CAMK2D: variants seen among roughly 807,000 people sequenced by gnomAD.
CAMK2D encodes the protein calcium/calmodulin dependent protein kinase II delta, also known as calcium/calmodulin-dependent protein kinase type II subunit delta.
CAMK2D carries 37 observed loss-of-function variants against 84.0 expected under a neutral mutation model. That is an observed-to-expected ratio of 0.44 (90% CI 0.34 to 0.58). The LOEUF is 0.58. Ranked by LOEUF, CAMK2D falls within the 20% of genes least tolerant of loss-of-function variation. The pLI is 0.02. For missense variants in CAMK2D, 448 were observed against 652.5 expected (o/e 0.69, Z 3.41); for synonymous variants, 202 against 212.5 (o/e 0.95, Z 0.43).
intron 4 of CAMK2D, among the ~76,000 whole-genome samples, chr4:113,562,343 AT>A (rs1259496652): frequency 2.0e-5 from 3 of 152,186 alleles, no homozygotes; most frequent in African/African-American, 7.2e-5. Flanking sequence ...CTAAAATCTT[AT>A]TTATACTCAT....
chr4:113,495,681 A>G (rs1436899457), intron 16 of CAMK2D, among the ~76,000 whole-genome samples: 2 of 152,150 alleles, frequency 1.3e-5, no homozygotes, highest in Non-Finnish European at 2.9e-5. Context: ...TTTTGCAAAC[A>G]TCCTCATTAC....
chr4:113,496,090 C>T (rs979399319), intron 16 of CAMK2D, among the ~76,000 whole-genome samples: 2 of 152,178 alleles, frequency 1.3e-5, no homozygotes, highest in Non-Finnish European at 2.9e-5. Context: ...GCTACAGCCA[C>T]AAACCAAAGG....
chr4:113,550,855 A>G (rs1283223868), intron 5 of CAMK2D, among the ~76,000 whole-genome samples: 2 of 152,240 alleles, frequency 1.3e-5, no homozygotes, highest in African/African-American at 2.4e-5. Flanking sequence ...TAAAAATTCC[A>G]TTAAAAAATT....
rs563120490 is a variant in CAMK2D at position 113,597,465 on chromosome 4, TC to T, written c.275+11686del. 2.6e-4 allele frequency among the ~76,000 whole-genome samples: 40 copies of T among 152,340 alleles called. No homozygotes were observed. The East Asian group carries it at 7.3e-3, about 28-fold the overall frequency. ...AAGAAACAACCTCTGCTAGCTTTCC[TC>T]TATTCTTCTGCAGCTTTCTCACCCC... On this transcript the variant is annotated intron_variant, in intron 4 of 20. Transcript: ENST00000511664.
In CAMK2D at chr4:113,490,428, G is replaced by T. The variant is rs1180312482; in HGVS notation, c.1135+10035C>A. On this transcript the variant is annotated intron_variant, in intron 16 of 20. Transcript: ENST00000511664. ...CTTTCCCCATTGCTTGTTTTTCTCA[G>T]GTTTGTCAAAGATCAGATAGTTGTA... Among the ~76,000 whole-genome samples, 3 of 107,842 alleles carry T rather than the reference G, an allele frequency of 2.8e-5. No homozygotes were observed. The East Asian group carries it at 6.4e-4, about 23-fold the overall frequency. 70.7% of individuals were successfully genotyped at this position (107,842 alleles called of 152,430 possible).
intron 16 of CAMK2D, among the ~76,000 whole-genome samples, chr4:113,474,084 G>A (rs1014548578): frequency 3.9e-5 from 6 of 152,182 alleles, no homozygotes; most frequent in African/African-American, 1.4e-4. Context: ...CCACATTAAA[G>A]TAATTGGGTA....
chr4:113,687,810 A>T (rs2099364314), intron 2 of CAMK2D, among the ~76,000 whole-genome samples: 1 of 152,210 alleles, frequency 6.6e-6, no homozygotes, highest in African/African-American at 2.4e-5. Context: ...TGAAATATTA[A>T]ATCATCAGGC....
intron 4 of CAMK2D, among the ~76,000 whole-genome samples, chr4:113,579,309 C>G (rs2098797793): frequency 6.6e-6 from 1 of 152,184 alleles, no homozygotes; most frequent in African/African-American, 2.4e-5. Flanking sequence ...TAACATGATG[C>G]TCTTCCTTTT....
Position 113,552,015 on chromosome 4 carries a change from AG to A in CAMK2D, c.341+15del. 1 of 1,408,344 alleles carries A rather than the reference AG, an allele frequency of 7.1e-7. No individual in the cohort carries two copies. The highest frequency in any genetic ancestry group is 9.9e-7 in the Non-Finnish European group (1 of 1,007,418). The allele number at this position is 1,408,344 out of a possible 1,614,324, so 87.2% of individuals were successfully genotyped here. On this transcript the variant is annotated intron_variant, in intron 5 of 20. Coordinates refer to ENST00000511664, the MANE Select transcript of CAMK2D (RefSeq NM_001321571.2). ...GAATGTTGAGTCTTGTATCTTGCCC[AG>A]GGCAAGTCACTTACCTGGCATCAGC...
chr4:113,565,580 G>C (rs1023066184), intron 4 of CAMK2D, among the ~76,000 whole-genome samples: 1 of 151,570 alleles, frequency 6.6e-6, no homozygotes, highest in African/African-American at 2.4e-5. Context: ...GACCCCGGGA[G>C]GCAGAGGTTG....
chr4:113,613,984 T>C (rs990743136), intron 3 of CAMK2D, among the ~76,000 whole-genome samples: 1 of 152,074 alleles, frequency 6.6e-6, no homozygotes, highest in Admixed American at 6.6e-5. Flanking sequence ...AGAAACTGTG[T>C]CAACAGTGAT....
At chr4:113,499,027 T>C (rs2097988933) in intron 16 of CAMK2D, among the ~76,000 whole-genome samples, 2 of 152,324 alleles carry the variant, frequency 1.3e-5, no homozygotes, top group East Asian at 1.9e-4. Flanking sequence ...TTTCTTAGTC[T>C]TGCTCAAGGG....
chr4:113,513,716 GA>G, intron 11 of CAMK2D, 113 bp downstream of exon 11: 1 of 614,118 alleles, frequency 1.6e-6, no homozygotes, highest in Non-Finnish European at 2.9e-6. Context: ...AGAATAATGA[GA>G]GTATTGAGGT....
chr4:113,569,830 T>C lies in CAMK2D; in HGVS notation c.276-17734A>G, dbSNP rs183316646. 3.9e-5 allele frequency among the ~76,000 whole-genome samples: 6 copies of C among 152,312 alleles called. No individual in the cohort carries two copies. In the East Asian group the frequency reaches 1.2e-3, roughly 29 times the overall value. On this transcript the variant is annotated intron_variant, in intron 4 of 20. Transcript: ENST00000511664. ...ATATAAACATATGAGTCGATTCCTT[T>C]AGATTATAAGTATTTTACAGTGAAG...
intron 3 of CAMK2D, among the ~76,000 whole-genome samples, chr4:113,643,064 A>C (rs1190700278): frequency 3.3e-5 from 5 of 152,268 alleles, no homozygotes; most frequent in Non-Finnish European, 7.3e-5. Context: ...AAAGAAGAGC[A>C]GAAACTATCT....
intron 16 of CAMK2D, among the ~76,000 whole-genome samples, chr4:113,467,554 T>A (rs1333391230): frequency 6.6e-6 from 1 of 152,188 alleles, no homozygotes; most frequent in Non-Finnish European, 1.5e-5. Context: ...CTATATGGGT[T>A]AGAATTCATA....
chr4:113,513,305 A>C (rs751627296), intron 12 of CAMK2D, 23 bp downstream of exon 12: 2 of 1,611,432 alleles, frequency 1.2e-6, no homozygotes, highest in South Asian at 1.1e-5. Context: ...AGGGATAAGA[A>C]GCAGAGTTCC....
rs2099604602 is a variant in CAMK2D at position 113,746,547 on chromosome 4, TTC to T, written c.160+12771_160+12772del. Reference sequence around the variant, plus strand: ...TCAATATAAGACAGTATATATTTTTTTCTTTCAAAAGGACTTTTTAAAAGTTA... The same window carrying T: ...TCAATATAAGACAGTATATATTTTTTTTTCAAAAGGACTTTTTAAAAGTTA... On this transcript the variant is annotated intron_variant, in intron 2 of 20. Transcript: ENST00000511664. Among the ~76,000 whole-genome samples, 9 of 152,250 alleles carry T rather than the reference TTC, an allele frequency of 5.9e-5. No individual in the cohort carries two copies. The South Asian group carries it at 1.9e-3, about 32-fold the overall frequency.
At chr4:113,573,801 G>A (rs2098766438) in intron 4 of CAMK2D, among the ~76,000 whole-genome samples, 1 of 152,090 alleles carries the variant, frequency 6.6e-6, no homozygotes, top group African/African-American at 2.4e-5. Context: ...ATCTTAGTTT[G>A]TTCCTGCTCT....
Sources: gnomAD v4.1 joint callset for allele counts (sites outside exome capture counted in the v4.1 genomes callset) on GRCh38, gnomAD v4.1.1 for gene constraint, MANE v1.5 for transcripts, NCBI Gene and HGNC (gene_info 2026-07-23, HGNC 2026-07-21) for gene names.